WWP1: variants seen among roughly 807,000 people sequenced by gnomAD.
WWP1 encodes the protein NEDD4-like E3 ubiquitin-protein ligase WWP1.
A neutral mutation model predicts 130.6 loss-of-function variants in WWP1; 49 were observed. The observed-to-expected ratio is 0.38, with a 90% CI of 0.30 to 0.48. The LOEUF is 0.48. Ranked by LOEUF, WWP1 falls within the 20% of genes least tolerant of loss-of-function variation. The pLI, the probability that WWP1 is intolerant of heterozygous loss-of-function variation, is 0.99. For synonymous variants in WWP1, 332 were observed against 367.8 expected, an observed-to-expected ratio of 0.90 and a Z score of 1.11; for missense variants, 809 against 1,100.6, an observed-to-expected ratio of 0.74 and a Z score of 3.75.
At chr8:86,397,305 T>A (rs1038996921) in intron 5 of WWP1, among the ~76,000 whole-genome samples, 1 of 152,222 alleles carries the variant, frequency 6.6e-6, no homozygotes, top group Non-Finnish European at 1.5e-5. Context: ...TAACTTTCTC[T>A]TTTAGTTTTT....
At chr8:86,435,554 A>G (rs771358021) in intron 15 of WWP1, 27 bp downstream of exon 15, 3 of 1,613,288 alleles carry the variant, frequency 1.9e-6, no homozygotes, top group Non-Finnish European at 1.7e-6. Flanking sequence ...TAAATCTTAT[A>G]CTCAATAATT....
At chr8:86,424,277 T>C (rs1464402970) in intron 9 of WWP1, among the ~76,000 whole-genome samples, 5 of 144,652 alleles carry the variant, frequency 3.5e-5, no homozygotes. Flanking sequence ...CCTCACTTCC[T>C]GGACAGGATG....
chr8:86,380,886 C>A, intron 4 of WWP1, 22 bp downstream of exon 4: 2 of 1,550,298 alleles, frequency 1.3e-6, no homozygotes, highest in Non-Finnish European at 1.7e-6. Context: ...GTGTAAAGGA[C>A]GGAAAATCTT....
intron 1 of WWP1, among the ~76,000 whole-genome samples, chr8:86,346,431 A>G (rs1003448814): frequency 3.9e-5 from 6 of 152,240 alleles, no homozygotes; most frequent in African/African-American, 1.2e-4. Context: ...TCAAAAAAAA[A>G]GAACTTTATC....
chr8:86,401,252 A>G (rs1011923415), intron 7 of WWP1, among the ~76,000 whole-genome samples: 23 of 151,986 alleles, frequency 1.5e-4, no homozygotes, highest in South Asian at 2.1e-4. Context: ...TTATTTTTCA[A>G]GATTTAATAA....
intron 7 of WWP1, among the ~76,000 whole-genome samples, chr8:86,401,395 A>G (rs1196670843): frequency 6.6e-6 from 1 of 152,008 alleles, no homozygotes; most frequent in African/African-American, 2.4e-5. Flanking sequence ...TCCAGTCTCT[A>G]CAAAAATTTA....
In WWP1 at chr8:86,443,219, C is replaced by T. The variant is rs7011820; in HGVS notation, c.1998+441C>T. On this transcript the variant is annotated intron_variant, in intron 18 of 24. Coordinates refer to ENST00000517970, the MANE Select transcript of WWP1 (RefSeq NM_007013.4). ...TCCCAAGTAGCTGAGACTACAGGCT[C>T]ACACCACCATGCCAGCTAATTTTTT... 1.5e-3 allele frequency among the ~76,000 whole-genome samples: 228 copies of T among 152,084 alleles called. 1 individual carries two copies. The highest frequency in any genetic ancestry group is 5.3e-3 in the African/African-American group (219 of 41,486).
chr8:86,393,556 A>G (rs373429602), intron 5 of WWP1, among the ~76,000 whole-genome samples: 41 of 152,198 alleles, frequency 2.7e-4, no homozygotes, highest in African/African-American at 9.9e-4. Context: ...AAATTCTGAA[A>G]TTTTTTGTTA....
intron 24 of WWP1, among the ~76,000 whole-genome samples, chr8:86,466,388 C>G (rs967042275): frequency 1.3e-5 from 2 of 151,936 alleles, no homozygotes; most frequent in Non-Finnish European, 2.9e-5. Flanking sequence ...GTTTTCTTCA[C>G]TGTATCACTA....
At chr8:86,410,702 TA>T (rs1487673158) in intron 8 of WWP1, among the ~76,000 whole-genome samples, 1 of 92,686 alleles carries the variant, frequency 1.1e-5, no homozygotes, top group Non-Finnish European at 2.2e-5. Flanking sequence ...TTCTTCTACT[TA>T]CTTTTTTTTT....
intron 1 of WWP1, among the ~76,000 whole-genome samples, chr8:86,356,651 A>G (rs1823276387): frequency 6.6e-6 from 1 of 152,114 alleles, no homozygotes; most frequent in African/African-American, 2.4e-5. Flanking sequence ...TGTCTTTTAA[A>G]GGTCCATAGC....
At chr8:86,381,690 T>C in intron 5 of WWP1, 61 bp downstream of exon 5, 1 of 1,425,532 alleles carries the variant, frequency 7.0e-7, no homozygotes, top group Non-Finnish European at 9.3e-7. Context: ...TTTGAACATA[T>C]CCTGAATCCT....
intron 24 of WWP1, among the ~76,000 whole-genome samples, chr8:86,464,518 C>G (rs1288583401): frequency 6.7e-6 from 1 of 148,324 alleles, no homozygotes; most frequent in Non-Finnish European, 1.5e-5. Context: ...AGTTGGAAAT[C>G]CATTTTTTTT....
Position 86,411,816 on chromosome 8 carries a change from T to C in WWP1, c.1003T>C (p.Cys335Arg). The stretch of plus-strand genomic sequence containing the variant: ...AGCCAAATCAAGACAGCCAGATGGG[T>C]GTATGGATCCTGTACGGCAGCAGTC... Reference protein sequence around the residue: ...EAAKSRQPDGCMDPVRQQSGN... With the variant: ...EAAKSRQPDGRMDPVRQQSGN... Residue 335 changes from cysteine (C) to arginine (R), a missense_variant, in exon 9 of 25, where the codon TGT (cysteine) becomes CGT (arginine). Cys to Arg is a radical substitution (Grantham distance 180). Coordinates refer to ENST00000517970, the MANE Select transcript of WWP1 (RefSeq NM_007013.4). 6.2e-7 allele frequency: 1 copy of C among 1,613,992 alleles called. No individual in the cohort carries two copies. Among genetic ancestry groups the C allele is most frequent in the Non-Finnish European group, 8.5e-7 (1 of 1,180,014 alleles).
intron 8 of WWP1, 140 bp downstream of exon 8, chr8:86,402,343 TGGTGCGATCTC>T: frequency 4.6e-6 from 5 of 1,093,140 alleles, no homozygotes; most frequent in South Asian, 1.8e-5. Context: ...TGGAGTGCAG[TGGTGCGATCTC>T]GGCTCACTGC....
chr8:86,448,201 G>A lies in WWP1; in HGVS notation c.2052G>A (p.Lys684=), dbSNP rs750129527. 3.8e-6 allele frequency: 6 copies of A among 1,580,820 alleles called. No individual in the cohort carries two copies. In the African/African-American group the frequency reaches 6.9e-5, roughly 18 times the overall value. The change falls in exon 19 of 25, where the codon AAG becomes AAA. Residue 684 remains lysine (K), a synonymous_variant. Transcript: ENST00000517970. The part of the protein sequence containing the change: ...IDTGFSLPFY[K]RMLSKKLTIK... ...CTGGTTTCTCTTTACCATTCTACAA[G>A]CGTATGTTAAGTAAAAAACTTACTA...
intron 1 of WWP1, among the ~76,000 whole-genome samples, chr8:86,361,123 C>G (rs1823568757): frequency 6.6e-6 from 1 of 152,146 alleles, no homozygotes; most frequent in South Asian, 2.1e-4. Context: ...TTAGAAGGAT[C>G]ACTGTGCTGG....
At chr8:86,421,572 C>T (rs1809208731) in intron 9 of WWP1, among the ~76,000 whole-genome samples, 1 of 152,094 alleles carries the variant, frequency 6.6e-6, no homozygotes, top group African/African-American at 2.4e-5. Context: ...CGCCTGTAAT[C>T]TCAGCACTTT....
intron 8 of WWP1, among the ~76,000 whole-genome samples, chr8:86,410,359 CT>C (rs1326209323): frequency 6.6e-6 from 1 of 152,062 alleles, no homozygotes; most frequent in African/African-American, 2.4e-5. Context: ...TCTGATTTGT[CT>C]TTTTTTCTTT....
Sources: gnomAD v4.1 joint callset for allele counts (sites outside exome capture counted in the v4.1 genomes callset) on GRCh38, gnomAD v4.1.1 for gene constraint, MANE v1.5 for transcripts, NCBI Gene and HGNC (gene_info 2026-07-23, HGNC 2026-07-21) for gene names.